Variants in SIK3 observed in about 807,000 individuals in gnomAD.
SIK3 encodes SIK family kinase 3.
In SIK3, 28 loss-of-function variants were observed where a neutral mutation model predicts 144.2. The ratio of observed to expected loss-of-function variants is 0.19; its 90% CI spans 0.14 to 0.27. SIK3 has a LOEUF of 0.27. SIK3 is among the 10% of genes least tolerant of loss of function. The pLI, the probability that SIK3 is intolerant of heterozygous loss-of-function variation, is 1.00. For synonymous variants in SIK3, 686 were observed against 676.3 expected (o/e 1.01, Z -0.22); for missense variants, 1,319 against 1,776.0 (o/e 0.74, Z 4.62).
chr11:116,844,647 T>TATAATA lies in SIK3; in HGVS notation c.*995_*996insTATTAT, dbSNP rs1565345789. 4 of 109,524 alleles carry TATAATA rather than the reference T, an allele frequency of 3.7e-5. No homozygotes were observed. Among genetic ancestry groups the TATAATA allele is most frequent in the Non-Finnish European group, 5.5e-5 (3 of 54,272 alleles). The allele number at this position is 109,524 out of a possible 1,614,324, so 6.8% of individuals were successfully genotyped here. A position where few individuals can be genotyped will look rare whatever the true frequency, so the allele number is the denominator to read the frequency against. Reference sequence around the variant, plus strand: ...TATATATAATATATTATATTATATATTATATATATAATATATATATACACA... The same window carrying TATAATA: ...TATATATAATATATTATATTATATATATAATATATATATATAATATATATATACACA... On this transcript the variant is annotated 3_prime_UTR_variant, in exon 25 of 25. Coordinates refer to ENST00000445177, the MANE Select transcript of SIK3 (RefSeq NM_001366686.3).
intron 1 of SIK3, among the ~76,000 whole-genome samples, chr11:117,076,469 A>G (rs1194813072): frequency 6.6e-6 from 1 of 152,328 alleles, no homozygotes; most frequent in East Asian, 1.9e-4. Flanking sequence ...ACTGTTATTT[A>G]CCAATTTACC....
chr11:117,054,982 A>G (rs1223712015), intron 1 of SIK3, among the ~76,000 whole-genome samples: 1 of 152,230 alleles, frequency 6.6e-6, no homozygotes, highest in Non-Finnish European at 1.5e-5. Context: ...ATTAGTATAT[A>G]CCAGCACTAT....
chr11:116,844,445 A>G lies in SIK3; in HGVS notation c.*1198T>C, dbSNP rs1039023846. On this transcript the variant is annotated 3_prime_UTR_variant, in exon 25 of 25. Coordinates refer to ENST00000445177, the MANE Select transcript of SIK3 (RefSeq NM_001366686.3). ...ACAATAATATCAACATTTACCAAAA[A>G]CAATTTCTACATGATCAAGAATTAA... The G allele has an allele frequency of 2.0e-5, 3 of 151,088 alleles. No homozygotes were observed. In the Admixed American group the frequency reaches 2.0e-4, roughly 10 times the overall value. 9.4% of individuals were successfully genotyped at this position (151,088 alleles called of 1,614,324 possible). A position where few individuals can be genotyped will look rare whatever the true frequency, so the allele number is the denominator to read the frequency against.
At chr11:117,010,110 C>T (rs1256759893) in intron 1 of SIK3, among the ~76,000 whole-genome samples, 1 of 151,798 alleles carries the variant, frequency 6.6e-6, no homozygotes, top group Non-Finnish European at 1.5e-5. Flanking sequence ...CCTGGGAAGC[C>T]CAGTACCCAA....
intron 6 of SIK3, among the ~76,000 whole-genome samples, chr11:116,881,665 C>T (rs1467755817): frequency 6.6e-6 from 1 of 151,518 alleles, no homozygotes; most frequent in African/African-American, 2.4e-5. Flanking sequence ...TAGTAATGTC[C>T]CTTTGGCATA....
chr11:117,068,672 C>G (rs1273466082), intron 1 of SIK3, among the ~76,000 whole-genome samples: 2 of 152,102 alleles, frequency 1.3e-5, no homozygotes, highest in Non-Finnish European at 2.9e-5. Context: ...GAGGCTGCAG[C>G]GAGCCCAAGC....
At position 116,922,392 on chromosome 11, in the gene SIK3, G is replaced by A. The variant is rs145766652; in HGVS notation, c.616+4827C>T. 1.9e-3 allele frequency among the ~76,000 whole-genome samples: 289 copies of A among 152,264 alleles called. 2 individuals are homozygous for A. The highest frequency in any genetic ancestry group is 6.7e-3 in the African/African-American group (280 of 41,532). The stretch of plus-strand genomic sequence containing the variant: ...TGTAGTCCCAGCTACTTGGGAGGCT[G>A]AGGCAGGAGGATCACTTGAGCCCAG... On this transcript the variant is annotated intron_variant, in intron 4 of 24. Coordinates refer to ENST00000445177, the MANE Select transcript of SIK3 (RefSeq NM_001366686.3).
At chr11:117,077,680 T>C (rs1311773317) in intron 1 of SIK3, among the ~76,000 whole-genome samples, 1 of 151,988 alleles carries the variant, frequency 6.6e-6, no homozygotes, top group Non-Finnish European at 1.5e-5. Context: ...GTTAACTGCC[T>C]AAAAATCTCT....
At chr11:116,884,086 T>C (rs188620274) in intron 6 of SIK3, among the ~76,000 whole-genome samples, 1 of 152,336 alleles carries the variant, frequency 6.6e-6, no homozygotes, top group African/African-American at 2.4e-5. Context: ...TGGGTACTGC[T>C]AGAACAATGG....
chr11:116,994,876 T>G (rs1381520593), intron 1 of SIK3, among the ~76,000 whole-genome samples: 3 of 151,062 alleles, frequency 2.0e-5, no homozygotes, highest in Non-Finnish European at 4.4e-5. Context: ...AGCCCCAAAT[T>G]TTTGTGTCCA....
intron 1 of SIK3, among the ~76,000 whole-genome samples, chr11:117,075,519 A>G (rs1591657738): frequency 6.6e-6 from 1 of 150,546 alleles, no homozygotes; most frequent in African/African-American, 2.5e-5. Flanking sequence ...GTATATCCAC[A>G]TTCTATGTTA....
At chr11:116,950,717 G>A (rs543013951) in intron 3 of SIK3, among the ~76,000 whole-genome samples, 3 of 152,106 alleles carry the variant, frequency 2.0e-5, no homozygotes, top group Non-Finnish European at 4.4e-5. Flanking sequence ...TTCTAGAATC[G>A]CAAATAAAGC....
chr11:116,932,387 C>T (rs1004546057), intron 3 of SIK3, among the ~76,000 whole-genome samples: 7 of 152,270 alleles, frequency 4.6e-5, no homozygotes, highest in South Asian at 2.1e-4. Context: ...AATTATAGAA[C>T]GATATCAAAA....
intron 1 of SIK3, among the ~76,000 whole-genome samples, chr11:117,001,457 G>A (rs2135611235): frequency 6.6e-6 from 1 of 151,786 alleles, no homozygotes; most frequent in South Asian, 2.1e-4. Context: ...AGTGAGCTGA[G>A]ATCGCCCCAC....
At chr11:117,000,151 T>C (rs936962039) in intron 1 of SIK3, among the ~76,000 whole-genome samples, 1 of 152,230 alleles carries the variant, frequency 6.6e-6, no homozygotes, top group Non-Finnish European at 1.5e-5. Context: ...CAAGGGCCTA[T>C]TGCCCAACCT....
chr11:117,037,829 C>T (rs1952580099), intron 1 of SIK3, among the ~76,000 whole-genome samples: 1 of 152,166 alleles, frequency 6.6e-6, no homozygotes, highest in Admixed American at 6.5e-5. Flanking sequence ...CACCACAAAG[C>T]CAAGTGATTC....
chr11:116,917,852 A>AAAGGG lies in SIK3; in HGVS notation c.616+9366_616+9367insCCCTT, dbSNP rs1314879323. On this transcript the variant is annotated intron_variant, in intron 4 of 24. Transcript: ENST00000445177. ...GAAGGAAAGGAAAGGAAAGGAAAGG[A>AAAGGG]AAGGAAAGGAAAGGAAAGGGAGAAA... 2.0e-5 allele frequency among the ~76,000 whole-genome samples: 3 copies of AAAGGG among 151,766 alleles called. No homozygotes were observed. The East Asian group carries it at 5.8e-4, about 29-fold the overall frequency.
At chr11:116,944,804 G>A (rs1392636452) in intron 3 of SIK3, among the ~76,000 whole-genome samples, 1 of 152,188 alleles carries the variant, frequency 6.6e-6, no homozygotes, top group African/African-American at 2.4e-5. Flanking sequence ...GTAGGTGACA[G>A]CAGAGTGAGG....
At chr11:117,038,662 T>C (rs1363124031) in intron 1 of SIK3, among the ~76,000 whole-genome samples, 2 of 151,902 alleles carry the variant, frequency 1.3e-5, no homozygotes, top group Non-Finnish European at 2.9e-5. Context: ...CGCTACAAGA[T>C]TCTTTATTTG....
Sources: allele counts gnomAD v4.1 joint callset (sites outside exome capture counted in the v4.1 genomes callset), GRCh38; gene constraint gnomAD v4.1.1; transcripts MANE v1.5; gene names NCBI Gene and HGNC (gene_info 2026-07-23, HGNC 2026-07-21).